CIAPIN1: variants seen among roughly 807,000 people sequenced by gnomAD.
CIAPIN1 encodes cytokine induced apoptosis inhibitor 1, also known as anamorsin.
In CIAPIN1, 18 loss-of-function variants were observed where a neutral mutation model predicts 34.3. The observed-to-expected ratio is 0.52, with a 90% CI of 0.36 to 0.78. CIAPIN1 has a LOEUF of 0.78. Among genes scored for constraint, CIAPIN1 ranks in the 30% least tolerant of loss-of-function variants. The pLI is 0.00. For synonymous variants in CIAPIN1, 131 were observed against 140.4 expected (o/e 0.93, Z 0.47); for missense variants, 310 against 372.5 (o/e 0.83, Z 1.38).
intron 6 of CIAPIN1, among the ~76,000 whole-genome samples, chr16:57,432,166 TG>T (rs1220790708): frequency 6.6e-6 from 1 of 152,108 alleles, no homozygotes; most frequent in Non-Finnish European, 1.5e-5. Flanking sequence ...ACGCAAAAAT[TG>T]GCCAGGTGTG....
chr16:57,430,999 A>ATTT, intron 7 of CIAPIN1, 152 bp downstream of exon 7: 7 of 420,784 alleles, frequency 1.7e-5, no homozygotes, highest in Admixed American at 3.7e-5. Flanking sequence ...TGCCTGGCTA[A>ATTT]TTTTTTTTTT....
intron 1 of CIAPIN1, among the ~76,000 whole-genome samples, chr16:57,444,970 A>G (rs2029997116): frequency 6.6e-6 from 1 of 152,218 alleles, no homozygotes; most frequent in Non-Finnish European, 1.5e-5. Flanking sequence ...AGGCACACAC[A>G]TGTGCATGGC....
At chr16:57,431,054 G>A in intron 7 of CIAPIN1, 97 bp downstream of exon 7, 1 of 675,226 alleles carries the variant, frequency 1.5e-6, no homozygotes, top group Non-Finnish European at 2.6e-6. Flanking sequence ...TGCCCAGCCT[G>A]GAAAATGTAT....
intron 1 of CIAPIN1, among the ~76,000 whole-genome samples, chr16:57,446,291 C>T (rs2030064720): frequency 6.6e-6 from 1 of 152,164 alleles, no homozygotes; most frequent in Admixed American, 6.5e-5. Flanking sequence ...AACTCAGAAA[C>T]AAATCCTTAT....
chr16:57,431,025 A>C, intron 7 of CIAPIN1, 126 bp downstream of exon 7: 6 of 565,442 alleles, frequency 1.1e-5, no homozygotes, highest in South Asian at 2.8e-5. Context: ...AATTATTTGC[A>C]GAGATGGTCT....
At chr16:57,437,365 A>T (rs1903227107) in intron 3 of CIAPIN1, among the ~76,000 whole-genome samples, 2 of 152,112 alleles carry the variant, frequency 1.3e-5, no homozygotes, top group Admixed American at 6.5e-5. Flanking sequence ...AAGTGTCCTA[A>T]GCGTGTTTAA....
At position 57,428,933 on chromosome 16, in the gene CIAPIN1, G is replaced by C. The variant is rs1903014997; in HGVS notation, c.*237C>G. ...GACACACTCCCTTCTCTTAACATGAGGTGAAGAAACCCATCCCATTCTGAA... is the reference window on the plus strand; with the variant it reads ...GACACACTCCCTTCTCTTAACATGACGTGAAGAAACCCATCCCATTCTGAA... On this transcript the variant is annotated 3_prime_UTR_variant, in exon 9 of 9. Transcript: ENST00000394391. 4.3e-6 allele frequency: 2 copies of C among 468,470 alleles called. No individual in the cohort carries two copies. The highest frequency in any genetic ancestry group is 7.2e-5 in the Admixed American group (2 of 27,776). 29.0% of individuals were successfully genotyped at this position (468,470 alleles called of 1,614,324 possible).
rs56150023 is a variant in CIAPIN1, at chr16:57,428,731, G to A, written c.*439C>T. 5 of 154,298 alleles carry A rather than the reference G, an allele frequency of 3.2e-5. No individual in the cohort carries two copies. Among genetic ancestry groups the A allele is most frequent in the Admixed American group, 3.2e-4 (5 of 15,474 alleles). The allele number at this position is 154,298 out of a possible 1,614,324, so 9.6% of individuals were successfully genotyped here. A position where few individuals can be genotyped will look rare whatever the true frequency, so the allele number is the denominator to read the frequency against. ...GAGGAGGTTGTGAGCCACTTGACTCGTGTCACAAAGAATGGAGTAAACTAA... is the reference window on the plus strand; with the variant it reads ...GAGGAGGTTGTGAGCCACTTGACTCATGTCACAAAGAATGGAGTAAACTAA... On this transcript the variant is annotated 3_prime_UTR_variant, in exon 9 of 9. Coordinates refer to ENST00000394391, the MANE Select transcript of CIAPIN1 (RefSeq NM_020313.4).
chr16:57,436,015 C>T (rs1903190758), intron 4 of CIAPIN1, among the ~76,000 whole-genome samples: 2 of 152,126 alleles, frequency 1.3e-5, no homozygotes, highest in Admixed American at 6.5e-5. Context: ...AGCCTCCCAC[C>T]AAAAATGTGA....
In CIAPIN1 at chr16:57,429,138, G is replaced by T; in HGVS notation, c.*32C>A. 6.8e-7 allele frequency: 1 copy of T among 1,469,474 alleles called. No individual in the cohort carries two copies. Among genetic ancestry groups the T allele is most frequent in the Non-Finnish European group, 9.5e-7 (1 of 1,050,102 alleles). 91.0% of individuals were successfully genotyped at this position (1,469,474 alleles called of 1,614,324 possible). A position where few individuals can be genotyped will look rare whatever the true frequency, so the allele number is the denominator to read the frequency against. On this transcript the variant is annotated 3_prime_UTR_variant, in exon 9 of 9. Transcript: ENST00000394391. ...GGATGTGAGGGACAGGAGTTGGCTG[G>T]AGGAGCAGATGGGTCCCATGTCAGG...
chr16:57,431,976 C>A (rs1264202716), intron 6 of CIAPIN1, among the ~76,000 whole-genome samples: 1 of 152,108 alleles, frequency 6.6e-6, no homozygotes, highest in Non-Finnish European at 1.5e-5. Flanking sequence ...GAAGTGAGAA[C>A]AAGAAATTAT....
At chr16:57,443,889 C>A (rs184784176) in intron 1 of CIAPIN1, among the ~76,000 whole-genome samples, 1 of 151,826 alleles carries the variant, frequency 6.6e-6, no homozygotes, top group East Asian at 1.9e-4. Context: ...ACCAGCCAGG[C>A]AAGATGGGAG....
chr16:57,430,153 T>C (rs1391964577), intron 8 of CIAPIN1, 105 bp downstream of exon 8: 14 of 970,176 alleles, frequency 1.4e-5, no homozygotes, highest in Non-Finnish European at 2.0e-5. Flanking sequence ...CACGCATTCG[T>C]CTGTTACTAA....
intron 1 of CIAPIN1, among the ~76,000 whole-genome samples, chr16:57,445,338 C>G (rs1419146388): frequency 4.6e-5 from 7 of 152,080 alleles, no homozygotes; most frequent in Non-Finnish European, 5.9e-5. Flanking sequence ...GAAAACCCGT[C>G]TCTACTAAAA....
intron 1 of CIAPIN1, among the ~76,000 whole-genome samples, chr16:57,446,614 T>A (rs369954610): frequency 6.6e-6 from 1 of 152,288 alleles, no homozygotes; most frequent in African/African-American, 2.4e-5. Flanking sequence ...GGCTAGACCG[T>A]GACCTCCTTG....
chr16:57,446,779 A>T (rs2030091607), intron 1 of CIAPIN1, among the ~76,000 whole-genome samples: 1 of 152,212 alleles, frequency 6.6e-6, no homozygotes, highest in African/African-American at 2.4e-5. Flanking sequence ...ACAAAGGCCT[A>T]GCTGTCTGTT....
At position 57,441,635 on chromosome 16, in the gene CIAPIN1, T is replaced by C. The variant is rs985818637; in HGVS notation, c.-55-652A>G. Among the ~76,000 whole-genome samples, 12 of 152,346 alleles carry C rather than the reference T, an allele frequency of 7.9e-5. No homozygotes were observed. In the East Asian group the frequency reaches 2.1e-3, roughly 27 times the overall value. On this transcript the variant is annotated intron_variant, in intron 1 of 8. Transcript: ENST00000394391. The stretch of plus-strand genomic sequence containing the variant: ...GTCTGGAAACTGAGGCAATTTACGT[T>C]GCCCAAGTCACACAGCTAGTGAGTG...
intron 7 of CIAPIN1, among the ~76,000 whole-genome samples, chr16:57,430,810 G>A (rs920742815): frequency 1.3e-5 from 2 of 152,072 alleles, no homozygotes; most frequent in Non-Finnish European, 2.9e-5. Flanking sequence ...CCAAGGTCTC[G>A]CTCTGATGCC....
chr16:57,438,061 A>T (rs995065714), intron 3 of CIAPIN1, among the ~76,000 whole-genome samples: 13 of 152,342 alleles, frequency 8.5e-5, no homozygotes, highest in African/African-American at 2.9e-4. Context: ...TAGTTCTAAG[A>T]CACTACATTT....
Sources: gnomAD v4.1 joint callset for allele counts (sites outside exome capture counted in the v4.1 genomes callset) on GRCh38, gnomAD v4.1.1 for gene constraint, MANE v1.5 for transcripts, NCBI Gene and HGNC (gene_info 2026-07-23, HGNC 2026-07-21) for gene names.